The following PCDHA5 variants were observed in gnomAD, a reference collection of about 807,000 sequenced individuals.
The protein encoded by PCDHA5 is protocadherin alpha 5.
A neutral mutation model predicts 61.6 loss-of-function variants in PCDHA5; 43 were observed. The observed-to-expected ratio is 0.70, with a 90% confidence interval of 0.55 to 0.90. PCDHA5 has a LOEUF of 0.90. Among genes scored for constraint, PCDHA5 ranks in the 40% least tolerant of loss-of-function variants. The probability of loss-of-function intolerance (pLI) is 0.00; values close to 1 mark genes in which losing one functional copy is unlikely to be tolerated. For missense variants in PCDHA5, 1,298 were observed against 1,222.7 expected, an observed-to-expected ratio of 1.06 and a Z score of -0.92; for synonymous variants, 627 against 543.9, an observed-to-expected ratio of 1.15 and a Z score of -2.13.
chr5:140,829,430 G>C (rs2150167719), intron 1 of PCDHA5: 5 of 1,614,092 alleles, frequency 3.1e-6, no homozygotes, highest in South Asian at 1.1e-5. Flanking sequence ...GGAGGTGGCC[G>C]ACATGAATGA....
chr5:140,882,775 C>G, intron 1 of PCDHA5: 10 of 1,614,220 alleles, frequency 6.2e-6, no homozygotes, highest in Non-Finnish European at 8.5e-6. Flanking sequence ...CGGCATTGAC[C>G]TACCGACTGG....
At chr5:140,870,552 G>T in intron 1 of PCDHA5, 4 of 1,614,042 alleles carry the variant, frequency 2.5e-6, no homozygotes, top group Non-Finnish European at 2.5e-6. Flanking sequence ...ACGCGGACGC[G>T]CAGGAGAACG....
At chr5:140,851,158 C>G (rs2041978839) in intron 1 of PCDHA5, 1 of 1,299,046 alleles carries the variant, frequency 7.7e-7, no homozygotes, top group African/African-American at 1.5e-5. Context: ...ATTTCTGATG[C>G]TATGCTGCCA....
intron 1 of PCDHA5, chr5:140,869,913 C>A (rs782111162): frequency 6.2e-7 from 1 of 1,610,636 alleles, no homozygotes; most frequent in African/African-American, 1.3e-5. Flanking sequence ...CAGACCGAGA[C>A]GAAGGAGTCA....
chr5:140,968,500 C>T, intron 1 of PCDHA5: 2 of 1,614,222 alleles, frequency 1.2e-6, no homozygotes, highest in Middle Eastern at 1.6e-4. Context: ...ATGCCCCTCA[C>T]ATTCTGTACC....
intron 1 of PCDHA5, chr5:140,866,016 T>C (rs191505079): frequency 6.6e-6 from 1 of 152,304 alleles, no homozygotes; most frequent in African/African-American, 2.4e-5. Flanking sequence ...ATTTTTTTCT[T>C]GTAAGAGTTC....
At chr5:140,871,482 T>C (rs535779359) in intron 1 of PCDHA5, 1 of 1,595,438 alleles carries the variant, frequency 6.3e-7, no homozygotes. Flanking sequence ...CAGGGTCAAA[T>C]CACCCCGGAC....
Position 140,834,177 on chromosome 5 carries a change from C to G in PCDHA5, c.2352+10050C>G, listed in dbSNP as rs2150214084. ...TTTGTAATTCTTACTTACATGATGG[C>G]CACATGATGTCGCTCTTTACCGCAA... On this transcript the variant is annotated intron_variant, in intron 1 of 3. Transcript: ENST00000529859. 2.9e-5 allele frequency: 16 copies of G among 556,922 alleles called. No individual in the cohort carries two copies. The East Asian group carries it at 4.6e-4, about 16-fold the overall frequency. 34.5% of individuals were successfully genotyped at this position (556,922 alleles called of 1,614,324 possible). A position where few individuals can be genotyped will look rare whatever the true frequency, so the allele number is the denominator to read the frequency against.
At chr5:140,951,326 T>C (rs2094571744) in intron 1 of PCDHA5, among the ~76,000 whole-genome samples, 1 of 152,158 alleles carries the variant, frequency 6.6e-6, no homozygotes, top group Admixed American at 6.5e-5. Context: ...TTGAGATTCA[T>C]CATTCTGTTT....
intron 3 of PCDHA5, among the ~76,000 whole-genome samples, chr5:140,993,295 C>G (rs553867145): frequency 3.3e-5 from 5 of 152,090 alleles, no homozygotes; most frequent in African/African-American, 9.7e-5. Flanking sequence ...GGGTCACAAC[C>G]TTGCCTCCAG....
intron 1 of PCDHA5, among the ~76,000 whole-genome samples, chr5:140,879,240 C>T (rs1266442175): frequency 6.6e-6 from 1 of 152,134 alleles, no homozygotes; most frequent in Non-Finnish European, 1.5e-5. Flanking sequence ...ACAAGAGGCA[C>T]TGGCAAAGTA....
intron 1 of PCDHA5, among the ~76,000 whole-genome samples, chr5:140,950,542 A>G (rs1332265340): frequency 1.3e-5 from 2 of 152,014 alleles, no homozygotes; most frequent in Non-Finnish European, 2.9e-5. Flanking sequence ...TTGCTCTTGC[A>G]TGGCTGGGGG....
chr5:140,966,724 C>G (rs1357964806), intron 1 of PCDHA5: 25 of 1,396,170 alleles, frequency 1.8e-5, no homozygotes, highest in Non-Finnish European at 2.3e-5. Context: ...GGGAAGCTGC[C>G]GCCTCCGGCC....
chr5:140,842,984 G>T (rs2150349206), intron 1 of PCDHA5: 2 of 1,595,034 alleles, frequency 1.3e-6, no homozygotes, highest in Non-Finnish European at 8.6e-7. Flanking sequence ...GCAGGTGTTC[G>T]TGCTGGACGA....
chr5:140,836,350 A>G, intron 1 of PCDHA5: 1 of 1,613,636 alleles, frequency 6.2e-7, no homozygotes, highest in Non-Finnish European at 8.5e-7. Context: ...GACCACGGGG[A>G]GCCCTCGCTG....
intron 1 of PCDHA5, 110 bp downstream of exon 1, chr5:140,824,237 T>C: frequency 6.6e-7 from 1 of 1,508,824 alleles, no homozygotes; most frequent in Non-Finnish European, 9.2e-7. Flanking sequence ...TACACAAATA[T>C]TGTGGTACAC....
At chr5:140,915,622 T>TTCTC (rs1418940406) in intron 1 of PCDHA5, among the ~76,000 whole-genome samples, 2 of 128,520 alleles carry the variant, frequency 1.6e-5, no homozygotes, top group South Asian at 2.5e-4. Flanking sequence ...AACAGTCTCT[T>TTCTC]TCTGTCTCTC....
intron 1 of PCDHA5, among the ~76,000 whole-genome samples, chr5:140,961,502 T>C (rs6891232): frequency 0.023 from 3,568 of 152,334 alleles, 49 homozygotes; most frequent in Middle Eastern, 0.034. Context: ...TTGGGAGACT[T>C]TGTTTAATGT....
intron 1 of PCDHA5, chr5:140,849,498 A>G: frequency 6.3e-7 from 1 of 1,593,626 alleles, no homozygotes. Context: ...TGGTCATTGT[A>G]CACTTCTTGT....
Sources: allele counts gnomAD v4.1 joint callset (sites outside exome capture counted in the v4.1 genomes callset), GRCh38; gene constraint gnomAD v4.1.1; transcripts MANE v1.5; gene names NCBI Gene and HGNC (gene_info 2026-07-23, HGNC 2026-07-21).